The following MIB1 variants were observed in gnomAD, a reference collection of about 807,000 sequenced individuals.
MIB1 encodes MIB E3 ubiquitin protein ligase 1.
Under a neutral mutation model 124.5 loss-of-function variants are expected in MIB1, and 278 were observed. That is an observed-to-expected ratio of 2.23 (90% CI 2.02 to 2.47). The LOEUF (loss-of-function observed/expected upper bound fraction) is 2.47. Among genes scored for constraint, MIB1 ranks in the 30% most tolerant of loss-of-function variants. The probability of loss-of-function intolerance (pLI) is 0.00; values close to 1 mark genes in which losing one functional copy is unlikely to be tolerated. For missense variants in MIB1, 957 were observed against 1,254.4 expected (o/e 0.76, Z 3.58); for synonymous variants, 446 against 429.4 (o/e 1.04, Z -0.48).
chr18:21,809,929 T>C (rs1278947680), intron 10 of MIB1, among the ~76,000 whole-genome samples: 2 of 152,132 alleles, frequency 1.3e-5, no homozygotes, highest in East Asian at 3.9e-4. Context: ...GACATCCGAA[T>C]TGGAAAGGAA....
chr18:21,726,416 ATCTG>A (rs1310508703), intron 1 of MIB1, among the ~76,000 whole-genome samples: 1 of 152,032 alleles, frequency 6.6e-6, no homozygotes, highest in Non-Finnish European at 1.5e-5. Flanking sequence ...AATGAGAGAA[ATCTG>A]TCTACGTTCC....
In MIB1 at chr18:21,798,158, T is replaced by G; in HGVS notation, c.1167T>G (p.Ser389=). The stretch of plus-strand genomic sequence containing the variant: ...TAAAGGTGGAAGTTTGTGGAACATC[T>G]TGGACATACAATCCAGCAGCAGTTT... ...SDLKVEVCGT[S]WTYNPAAVSK... The change falls in exon 8 of 21, where the codon TCT becomes TCG. Residue 389 remains serine (S), a synonymous_variant. Coordinates refer to ENST00000261537, the MANE Select transcript of MIB1 (RefSeq NM_020774.4). 2.5e-6 allele frequency: 4 copies of G among 1,613,380 alleles called. No homozygotes were observed. The highest frequency in any genetic ancestry group is 1.1e-5 in the South Asian group (1 of 91,048).
At chr18:21,717,213 C>A (rs1441324945) in intron 1 of MIB1, among the ~76,000 whole-genome samples, 2 of 152,074 alleles carry the variant, frequency 1.3e-5, no homozygotes, top group African/African-American at 4.8e-5. Context: ...TGAAACTGGA[C>A]CCTCATCTCT....
upstream of MIB1, among the ~76,000 whole-genome samples, chr18:21,737,446 G>A (rs1342891096): frequency 1.3e-5 from 2 of 152,100 alleles, no homozygotes; most frequent in Non-Finnish European, 2.9e-5. Flanking sequence ...AAAGACCATC[G>A]ACGCTATGAA....
At chr18:21,835,236 G>T (rs2042015979) in intron 12 of MIB1, among the ~76,000 whole-genome samples, 1 of 152,008 alleles carries the variant, frequency 6.6e-6, no homozygotes, top group Non-Finnish European at 1.5e-5. Flanking sequence ...ATTTTTAAAA[G>T]ATTTATTTAA....
At chr18:21,761,904 A>G (rs1194652758) in intron 1 of MIB1, among the ~76,000 whole-genome samples, 1 of 150,398 alleles carries the variant, frequency 6.6e-6, no homozygotes, top group East Asian at 2.0e-4. Flanking sequence ...TGCCGATGAG[A>G]GCACACATAG....
chr18:21,803,565 T>G (rs905479369), intron 9 of MIB1, among the ~76,000 whole-genome samples: 2 of 152,222 alleles, frequency 1.3e-5, no homozygotes, highest in African/African-American at 4.8e-5. Context: ...AGTGCTTTTT[T>G]TCATTGAACC....
chr18:21,826,838 C>T (rs1388207254), intron 12 of MIB1: 2 of 152,116 alleles, frequency 1.3e-5, no homozygotes, highest in East Asian at 3.8e-4. Context: ...GACTCTTACA[C>T]TAAGTATATT....
chr18:21,773,520 G>A lies in MIB1; in HGVS notation c.532-104G>A. 4.2e-6 allele frequency: 3 copies of A among 713,342 alleles called. No homozygotes were observed. The South Asian group carries it at 5.6e-5, about 13-fold the overall frequency. The allele number at this position is 713,342 out of a possible 1,614,324, so 44.2% of individuals were successfully genotyped here. ...TATTTTTCATGATCCTGTTACACAG[G>A]TTGCTAGATGAAATGATTTTTAAGA... On this transcript the variant is annotated intron_variant, in intron 3 of 20. Coordinates refer to ENST00000261537, the MANE Select transcript of MIB1 (RefSeq NM_020774.4).
At chr18:21,747,836 C>T (rs1490736959) in intron 1 of MIB1, among the ~76,000 whole-genome samples, 1 of 152,178 alleles carries the variant, frequency 6.6e-6, no homozygotes, top group Non-Finnish European at 1.5e-5. Flanking sequence ...AGTGTGATAT[C>T]CCCACATGTG....
chr18:21,762,101 C>T (rs979597830), intron 1 of MIB1, among the ~76,000 whole-genome samples: 4 of 152,020 alleles, frequency 2.6e-5, no homozygotes, highest in Non-Finnish European at 2.9e-5. Context: ...TTTTTCCTCT[C>T]AAATTGGCAC....
At chr18:21,823,408 A>G (rs2041896894) in intron 12 of MIB1, among the ~76,000 whole-genome samples, 1 of 151,894 alleles carries the variant, frequency 6.6e-6, no homozygotes, top group African/African-American at 2.4e-5. Flanking sequence ...CTCTAAAAAA[A>G]AAAAAAAAGA....
intron 6 of MIB1, among the ~76,000 whole-genome samples, chr18:21,782,169 C>A (rs2041376950): frequency 6.6e-6 from 1 of 152,118 alleles, no homozygotes; most frequent in African/African-American, 2.4e-5. Context: ...GTTGCCCAGG[C>A]TGGAGTGCAA....
intron 9 of MIB1, among the ~76,000 whole-genome samples, chr18:21,801,095 A>G (rs980314750): frequency 2.0e-5 from 3 of 151,954 alleles, no homozygotes. Context: ...CCTCTTTCTC[A>G]CCCCTATTTT....
chr18:21,769,473 T>C (rs555603860), intron 3 of MIB1, among the ~76,000 whole-genome samples: 2 of 152,310 alleles, frequency 1.3e-5, no homozygotes, highest in African/African-American at 4.8e-5. Context: ...GCAATCTGGA[T>C]GGGTCACCTT....
intron 1 of MIB1, among the ~76,000 whole-genome samples, chr18:21,720,105 C>T (rs2040708043): frequency 6.6e-6 from 1 of 152,168 alleles, no homozygotes; most frequent in Non-Finnish European, 1.5e-5. Context: ...GCATTTCCTG[C>T]CTTTTCTATA....
Position 21,716,333 on chromosome 18 carries a change from C to T in MIB1, n.167+11210C>T, listed in dbSNP as rs1380604978. ...AAATGCTGAAAAAATTTGCCACTAC[C>T]AAACCAGCACTATAAGAACTACTAA... On this transcript the variant is annotated intron_variant and non_coding_transcript_variant, in intron 1 of 20. Transcript: ENST00000578646. 3.9e-5 allele frequency among the ~76,000 whole-genome samples: 6 copies of T among 152,150 alleles called. No homozygotes were observed. In the East Asian group the frequency reaches 1.2e-3, roughly 29 times the overall value.
intron 1 of MIB1, among the ~76,000 whole-genome samples, chr18:21,732,768 AC>A (rs2040778121): frequency 6.6e-6 from 1 of 152,222 alleles, no homozygotes. Flanking sequence ...CCAAAGCAGC[AC>A]TGTAAGTTGG....
At chr18:21,730,526 C>CCA (rs1409330332) in intron 1 of MIB1, among the ~76,000 whole-genome samples, 1 of 152,140 alleles carries the variant, frequency 6.6e-6, no homozygotes, top group African/African-American at 2.4e-5. Context: ...CGAGATCACG[C>CCA]CACTGCACTC....
Sources: allele counts gnomAD v4.1 joint callset (sites outside exome capture counted in the v4.1 genomes callset), GRCh38; gene constraint gnomAD v4.1.1; transcripts MANE v1.5; gene names NCBI Gene and HGNC (gene_info 2026-07-23, HGNC 2026-07-21).